The following MCM10 variants were observed in gnomAD, a reference collection of about 807,000 sequenced individuals.
MCM10 encodes the protein minichromosome maintenance 10 replication initiation factor.
MCM10 carries 91 observed loss-of-function variants against 109.9 expected under a neutral mutation model. The ratio of observed to expected loss-of-function variants is 0.83; its 90% CI spans 0.70 to 0.99. MCM10 has a LOEUF of 0.99. MCM10 is among the 50% of genes least tolerant of loss of function. The pLI, the probability that MCM10 is intolerant of heterozygous loss-of-function variation, is 0.00. For missense variants in MCM10, 1,077 were observed against 1,061.2 expected (o/e 1.01, Z -0.21); for synonymous variants, 380 against 387.2 (o/e 0.98, Z 0.22).
chr10:13,192,592 C>T (rs571768376), intron 13 of MCM10, 24 bp downstream of exon 13: 2 of 1,601,918 alleles, frequency 1.2e-6, no homozygotes, highest in South Asian at 1.1e-5. Context: ...ATTTAATATT[C>T]CCCGCTTGGG....
chr10:13,204,467 G>A, intron 18 of MCM10, 103 bp downstream of exon 18: 4 of 1,411,762 alleles, frequency 2.8e-6, no homozygotes, highest in Admixed American at 1.9e-5. Context: ...ATCATTCCAT[G>A]CCTTCCTATA....
intron 10 of MCM10, among the ~76,000 whole-genome samples, chr10:13,190,097 A>G (rs1455194817): frequency 6.6e-6 from 1 of 151,838 alleles, no homozygotes; most frequent in East Asian, 1.9e-4. Flanking sequence ...ATAAGCTTGT[A>G]ATCAGTGGCC....
chr10:13,184,931 TCCAGATCTGGTAGGTTC>T (rs1834255135), intron 8 of MCM10, among the ~76,000 whole-genome samples: 1 of 152,156 alleles, frequency 6.6e-6, no homozygotes, highest in Admixed American at 6.5e-5. Context: ...TTCTACTATT[TCCAGATCTGGTAGGTTC>T]CCAGATCTGG....
At position 13,182,918 on chromosome 10, in the gene MCM10, A is replaced by G; in HGVS notation, c.931-15A>G. 1.2e-6 allele frequency: 2 copies of G among 1,602,114 alleles called. No homozygotes were observed. The highest frequency in any genetic ancestry group is 1.7e-6 in the Non-Finnish European group (2 of 1,172,938). On this transcript the variant is annotated splice_polypyrimidine_tract_variant and intron_variant, in intron 7 of 19. Transcript: ENST00000378714. This position sits in a 1 kb window ranked among gnomAD's most constrained non-coding sequence, Gnocchi z 4.2. The stretch of plus-strand genomic sequence containing the variant: ...CCTACAGTTCAAAATTATAAAAAAT[A>G]ACTATTTGTTCCAGGGAAAAACCTT...
At chr10:13,192,877 TTCTC>T (rs1257627327) in intron 13 of MCM10, among the ~76,000 whole-genome samples, 4 of 151,688 alleles carry the variant, frequency 2.6e-5, no homozygotes, top group South Asian at 4.2e-4. Flanking sequence ...GGCTGTCATT[TTCTC>T]TCTCTCTCTC....
At chr10:13,202,539 C>T (rs539707010) in intron 17 of MCM10, among the ~76,000 whole-genome samples, 1 of 152,314 alleles carries the variant, frequency 6.6e-6, no homozygotes, top group African/African-American at 2.4e-5. Context: ...CTTTAGCTCT[C>T]CTATGCATTT....
At chr10:13,173,616 T>A (rs1206314490) in intron 5 of MCM10, among the ~76,000 whole-genome samples, 1 of 152,210 alleles carries the variant, frequency 6.6e-6, no homozygotes, top group Non-Finnish European at 1.5e-5. Context: ...TGGCTGCACG[T>A]GTTTGGAAAA....
rs763843557 is a variant in MCM10 at position 13,192,432 on chromosome 10, G to T, written c.1628-19G>T. 1.2e-6 allele frequency: 2 copies of T among 1,613,888 alleles called. No individual in the cohort carries two copies. Among genetic ancestry groups the T allele is most frequent in the Non-Finnish European group, 1.7e-6 (2 of 1,179,768 alleles). On this transcript the variant is annotated intron_variant, in intron 12 of 19. Transcript: ENST00000378714. ...CTCAGCCTCCCAGGGCACCCCCTCA[G>T]TCTGGGCTTCTGTTTCAGGGATTAT... is the stretch of plus-strand genomic sequence containing the variant.
At chr10:13,176,823 G>A (rs751494472) in intron 6 of MCM10, among the ~76,000 whole-genome samples, 2 of 152,218 alleles carry the variant, frequency 1.3e-5, no homozygotes, top group African/African-American at 2.4e-5. Context: ...GAGCCCAGGA[G>A]TTCAAGACTG....
intron 6 of MCM10, among the ~76,000 whole-genome samples, chr10:13,176,780 C>G (rs967022179): frequency 3.9e-5 from 6 of 152,130 alleles, no homozygotes; most frequent in Non-Finnish European, 8.8e-5. Context: ...GTAGTCCTAG[C>G]TACCTGGGGG....
chr10:13,186,690 C>G (rs1175161636), intron 9 of MCM10, among the ~76,000 whole-genome samples: 2 of 152,036 alleles, frequency 1.3e-5, no homozygotes, highest in East Asian at 3.9e-4. Flanking sequence ...GCAATTCACC[C>G]TTTTAAAGTA....
At chr10:13,165,187 GCA>G (rs1018352970) in intron 2 of MCM10, among the ~76,000 whole-genome samples, 1 of 152,108 alleles carries the variant, frequency 6.6e-6, no homozygotes, top group Non-Finnish European at 1.5e-5. Flanking sequence ...TATGAATTAG[GCA>G]CAGTGAGAGA....
chr10:13,204,336 T>A lies in MCM10; in HGVS notation c.2470T>A (p.Leu824Met), dbSNP rs752774296. The change falls in exon 18 of 20, where the codon TTG becomes ATG. Residue 824 changes from leucine to methionine, a missense_variant. By Grantham distance (15) the Leu-to-Met change is conservative. Transcript: ENST00000378714. ...TCCCTGTGGAAACAGAAGCATCTCC[T>A]TGGACAGACTCCCGAACAAGCACTG... is the stretch of plus-strand genomic sequence containing the variant. ...KCPCGNRSIS[L>M]DRLPNKHCSN... 1.2e-5 allele frequency: 20 copies of A among 1,614,066 alleles called. No individual in the cohort carries two copies. Among genetic ancestry groups the A allele is most frequent in the Admixed American group, 3.3e-5 (2 of 60,000 alleles).
chr10:13,200,276 A>G lies in MCM10; in HGVS notation c.2239-1145A>G, dbSNP rs1049830999. On this transcript the variant is annotated intron_variant, in intron 16 of 19. Transcript: ENST00000378714. ...GGTTCCCCATCCACACAGATGTCTC[A>G]TAGAGCACACAGAAGCCAGGCAGGA... 5.3e-5 allele frequency among the ~76,000 whole-genome samples: 8 copies of G among 152,190 alleles called. No individual in the cohort carries two copies. In the South Asian group the frequency reaches 6.2e-4, roughly 12 times the overall value.
intron 6 of MCM10, among the ~76,000 whole-genome samples, chr10:13,179,037 T>G (rs1834176590): frequency 6.6e-6 from 1 of 152,252 alleles, no homozygotes; most frequent in South Asian, 2.1e-4. Flanking sequence ...CTACTGATTT[T>G]TGAATATTGA....
chr10:13,209,635 T>C lies in MCM10; in HGVS notation c.*325T>C. ...GTTTCTGTATCTTTTGGTTATAGAG[T>C]GTTCACTTCTTTATCATAACAAAAT... On this transcript the variant is annotated 3_prime_UTR_variant, in exon 20 of 20. Coordinates refer to ENST00000378714, the MANE Select transcript of MCM10 (RefSeq NM_018518.5). 3.3e-6 allele frequency: 1 copy of C among 304,690 alleles called. No individual in the cohort carries two copies. Among genetic ancestry groups the C allele is most frequent in the Non-Finnish European group, 6.1e-6 (1 of 164,220 alleles). The allele number at this position is 304,690 out of a possible 1,614,324, so 18.9% of individuals were successfully genotyped here.
At chr10:13,162,554 T>G (rs1833941010) in intron 1 of MCM10, among the ~76,000 whole-genome samples, 1 of 152,112 alleles carries the variant, frequency 6.6e-6, no homozygotes, top group Non-Finnish European at 1.5e-5. Context: ...TGGAGAGAAG[T>G]GGCAGATTTG....
Position 13,172,856 on chromosome 10 carries a change from T to C in MCM10, c.592+91T>C. Reference sequence around the variant, plus strand: ...TGTGTGTGTGGGTGTCTGTGTCTTTTGGTCTGTCTTATGTCCCCATTGAGA... The same window carrying C: ...TGTGTGTGTGGGTGTCTGTGTCTTTCGGTCTGTCTTATGTCCCCATTGAGA... On this transcript the variant is annotated intron_variant, in intron 5 of 19. Transcript: ENST00000378714. This position sits in a 1 kb window ranked among gnomAD's most constrained non-coding sequence, Gnocchi z 5.2. 1 of 1,296,822 alleles carries C rather than the reference T, an allele frequency of 7.7e-7. No homozygotes were observed. The highest frequency in any genetic ancestry group is 1.1e-6 in the Non-Finnish European group (1 of 926,896). 80.3% of individuals were successfully genotyped at this position (1,296,822 alleles called of 1,614,324 possible).
chr10:13,204,994 G>GTGTATA (rs1834553548), intron 18 of MCM10, among the ~76,000 whole-genome samples: 3 of 123,400 alleles, frequency 2.4e-5, no homozygotes, highest in African/African-American at 4.0e-5. Flanking sequence ...ATGTATGTAT[G>GTGTATA]TATGTATGTA....
Sources: gnomAD v4.1 joint callset for allele counts (sites outside exome capture counted in the v4.1 genomes callset) on GRCh38, gnomAD v4.1.1 for gene constraint, Gnocchi (gnomAD v3.1) non-coding constraint, MANE v1.5 for transcripts, NCBI Gene and HGNC (gene_info 2026-07-23, HGNC 2026-07-21) for gene names.